STK24: variants seen among roughly 807,000 people sequenced by gnomAD.
STK24 encodes the protein serine/threonine-protein kinase 24.
STK24 carries 21 observed loss-of-function variants against 55.6 expected under a neutral mutation model. The observed-to-expected ratio is 0.38, with a 90% confidence interval of 0.27 to 0.54. The LOEUF (loss-of-function observed/expected upper bound fraction) is 0.54. Ranked by LOEUF, STK24 falls within the 20% of genes least tolerant of loss-of-function variation. The pLI is 0.79. For synonymous variants in STK24, 200 were observed against 215.2 expected, an observed-to-expected ratio of 0.93 and a Z score of 0.62; for missense variants, 383 against 538.4, an observed-to-expected ratio of 0.71 and a Z score of 2.86.
At chr13:98,555,841 C>T (rs1449535658) in intron 1 of STK24, among the ~76,000 whole-genome samples, 30 of 151,514 alleles carry the variant, frequency 2.0e-4, no homozygotes, top group African/African-American at 5.8e-4. Context: ...CCACCACACC[C>T]GGTTAATTTT....
intron 1 of STK24, among the ~76,000 whole-genome samples, chr13:98,540,268 GCT>G (rs1025529201): frequency 6.6e-6 from 1 of 152,192 alleles, no homozygotes; most frequent in African/African-American, 2.4e-5. Context: ...GAAATGTTCT[GCT>G]CTGATTGATG....
intron 2 of STK24, chr13:98,508,820 A>G (rs767750880): frequency 6.6e-5 from 10 of 152,200 alleles, no homozygotes; most frequent in Non-Finnish European, 1.3e-4. Context: ...TGAAGCTCCC[A>G]CTTAAAACAA....
intron 2 of STK24, among the ~76,000 whole-genome samples, chr13:98,503,411 G>A (rs576553763): frequency 4.2e-4 from 64 of 152,328 alleles, no homozygotes; most frequent in African/African-American, 1.5e-3. Context: ...ACCAAGAGCT[G>A]AAGCTAGAAT....
At chr13:98,494,363 G>T (rs1447457896) in intron 2 of STK24, among the ~76,000 whole-genome samples, 6 of 129,582 alleles carry the variant, frequency 4.6e-5, no homozygotes, top group Non-Finnish European at 9.5e-5. Flanking sequence ...GCAGTGAGCC[G>T]AGATTGCACC....
In STK24 at chr13:98,447,800, G is replaced by A; in HGVS notation, c.*5373C>T. On this transcript the variant is annotated 3_prime_UTR_variant, in exon 11 of 11. Coordinates refer to ENST00000539966, the MANE Select transcript of STK24 (RefSeq NM_001032296.4). The stretch of plus-strand genomic sequence containing the variant: ...GAGGTAGCTACAGTGGGCGATAACT[G>A]CACCACTGAACTCCAGTATGAGTGA... 5.9e-6 allele frequency: 1 copy of A among 169,872 alleles called. No individual in the cohort carries two copies. The highest frequency in any genetic ancestry group is 1.3e-5 in the Non-Finnish European group (1 of 79,362). The allele number at this position is 169,872 out of a possible 1,614,324, so 10.5% of individuals were successfully genotyped here. A position where few individuals can be genotyped will look rare whatever the true frequency, so the allele number is the denominator to read the frequency against.
At position 98,448,333 on chromosome 13, in the gene STK24, G is replaced by A. The variant is rs548305291; in HGVS notation, c.*4840C>T. On this transcript the variant is annotated 3_prime_UTR_variant, in exon 11 of 11. Transcript: ENST00000539966. The stretch of plus-strand genomic sequence containing the variant: ...TGTGTATTGATGGCCGGACACACTC[G>A]TTTCCGCAGTGGCTGCTTTCCTGGA... The A allele has an allele frequency of 2.1e-5, 34 of 1,582,920 alleles. No homozygotes were observed. Among genetic ancestry groups the A allele is most frequent in the South Asian group, 2.1e-4 (19 of 90,480 alleles).
At chr13:98,458,443 C>G (rs930978889) in intron 9 of STK24, among the ~76,000 whole-genome samples, 4 of 152,202 alleles carry the variant, frequency 2.6e-5, no homozygotes, top group African/African-American at 9.7e-5. Flanking sequence ...AACGGCTTCT[C>G]TCTTCGCTAC....
intron 1 of STK24, among the ~76,000 whole-genome samples, chr13:98,545,086 A>G (rs990597989): frequency 6.6e-6 from 1 of 152,206 alleles, no homozygotes; most frequent in African/African-American, 2.4e-5. Context: ...TTTTCCAAAA[A>G]TGTTTTTAAA....
intron 2 of STK24, among the ~76,000 whole-genome samples, chr13:98,505,559 T>A (rs1458495858): frequency 5.3e-5 from 8 of 152,246 alleles, no homozygotes; most frequent in African/African-American, 1.7e-4. Flanking sequence ...TTAGACCCAA[T>A]TGAAGCATAT....
chr13:98,560,895 C>CAAAA (rs1311592950), intron 1 of STK24, among the ~76,000 whole-genome samples: 1 of 125,280 alleles, frequency 8.0e-6, no homozygotes, highest in Non-Finnish European at 1.6e-5. Context: ...GACTCCGTCT[C>CAAAA]AAAAAAAAGA....
chr13:98,511,034 T>G (rs1176360213), intron 2 of STK24, among the ~76,000 whole-genome samples: 1 of 152,214 alleles, frequency 6.6e-6, no homozygotes, highest in Non-Finnish European at 1.5e-5. Context: ...TGTCTCACTC[T>G]GTTACCCAGG....
intron 2 of STK24, among the ~76,000 whole-genome samples, chr13:98,488,374 G>A (rs1236679408): frequency 6.6e-6 from 1 of 152,164 alleles, no homozygotes; most frequent in East Asian, 1.9e-4. Context: ...AGCAAATTAA[G>A]CCAGTTATTC....
chr13:98,503,024 G>GGTTTTTTTT (rs759314930), intron 2 of STK24, among the ~76,000 whole-genome samples: 3,338 of 106,814 alleles, frequency 0.031, 86 homozygotes, highest in South Asian at 0.1. Context: ...CTTTCCATGT[G>GGTTTTTTTT]TTTTTTTTTT....
intron 2 of STK24, among the ~76,000 whole-genome samples, chr13:98,505,402 T>C (rs927723868): frequency 3.9e-5 from 6 of 152,246 alleles, no homozygotes; most frequent in Non-Finnish European, 7.3e-5. Context: ...TGTACTATAC[T>C]ACACCAGCCT....
chr13:98,481,628 G>T (rs564485678), intron 3 of STK24, among the ~76,000 whole-genome samples: 3 of 152,270 alleles, frequency 2.0e-5, no homozygotes, highest in African/African-American at 7.2e-5. Context: ...AAAGTAAATA[G>T]AACCTGTTTC....
chr13:98,488,954 A>G (rs9517324), intron 2 of STK24, among the ~76,000 whole-genome samples: 11,982 of 152,340 alleles, frequency 0.079, 649 homozygotes, highest in Non-Finnish European at 0.12. Context: ...GGCCAAGACC[A>G]AGAGGTATAA....
chr13:98,469,798 C>T (rs2062193674), intron 5 of STK24, among the ~76,000 whole-genome samples: 1 of 152,186 alleles, frequency 6.6e-6, no homozygotes, highest in South Asian at 2.1e-4. Flanking sequence ...CTGGCTCTCC[C>T]ACCAGACATC....
chr13:98,570,546 G>A (rs1194116752), intron 1 of STK24, among the ~76,000 whole-genome samples: 3 of 152,128 alleles, frequency 2.0e-5, no homozygotes, highest in South Asian at 2.1e-4. Context: ...CCAACAGAGC[G>A]CAGAACAGAA....
intron 1 of STK24, among the ~76,000 whole-genome samples, chr13:98,523,466 T>C (rs1594638232): frequency 6.6e-6 from 1 of 152,228 alleles, no homozygotes; most frequent in Non-Finnish European, 1.5e-5. Context: ...GCTGCCGCCC[T>C]GGCCCTTGAA....
Sources: gnomAD v4.1 joint callset for allele counts (sites outside exome capture counted in the v4.1 genomes callset) on GRCh38, gnomAD v4.1.1 for gene constraint, MANE v1.5 for transcripts, NCBI Gene and HGNC (gene_info 2026-07-23, HGNC 2026-07-21) for gene names.